Variants in TAFA4 observed in about 807,000 individuals in gnomAD.
TAFA4 encodes the protein TAFA chemokine like family member 4, also known as chemokine-like protein TAFA-4.
A neutral mutation model predicts 21.1 loss-of-function variants in TAFA4; 20 were observed. The ratio of observed to expected loss-of-function variants is 0.95; its 90% CI spans 0.67 to 1.38. The LOEUF (loss-of-function observed/expected upper bound fraction) is 1.38. Ranked by LOEUF, TAFA4 falls within the 40% of genes most tolerant of loss-of-function variation. TAFA4 has a pLI of 0.00. For synonymous variants in TAFA4, 71 were observed against 67.4 expected (o/e 1.05, Z -0.26); for missense variants, 211 against 180.9 (o/e 1.17, Z -0.95).
chr3:68,817,607 T>C (rs1704017055), intron 3 of TAFA4, among the ~76,000 whole-genome samples: 1 of 152,200 alleles, frequency 6.6e-6, no homozygotes, highest in African/African-American at 2.4e-5. Flanking sequence ...GTAATAAGAC[T>C]TGTAAGTTGA....
At position 68,776,806 on chromosome 3, in the gene TAFA4, T is replaced by C. The variant is rs549316714; in HGVS notation, c.131-23788A>G. On this transcript the variant is annotated intron_variant, in intron 3 of 5. Coordinates refer to ENST00000295569, the MANE Select transcript of TAFA4 (RefSeq NM_182522.5). ...ACTATTAAAATCACAAAAAACATGA[T>C]ATCTAAACACAATTTAATTAAATTA... Among the ~76,000 whole-genome samples the C allele has an allele frequency of 2.0e-4, 30 of 152,260 alleles. No homozygotes were observed. In the South Asian group the frequency reaches 5.4e-3, roughly 27 times the overall value.
intron 1 of TAFA4, among the ~76,000 whole-genome samples, chr3:68,923,812 C>T (rs2090081538): frequency 1.3e-5 from 2 of 152,022 alleles, no homozygotes; most frequent in South Asian, 4.2e-4. Flanking sequence ...AGGAGTTTGT[C>T]CAACGTTTCT....
intron 3 of TAFA4, among the ~76,000 whole-genome samples, chr3:68,834,196 C>T (rs944157134): frequency 2.0e-5 from 3 of 152,168 alleles, no homozygotes; most frequent in Non-Finnish European, 2.9e-5. Context: ...TAAGCAGAGG[C>T]TAACATTTTG....
At chr3:68,860,489 C>CCT (rs891794898) in intron 3 of TAFA4, among the ~76,000 whole-genome samples, 4 of 151,728 alleles carry the variant, frequency 2.6e-5, no homozygotes, top group African/African-American at 9.7e-5. Flanking sequence ...TGCTCCTTTT[C>CCT]CTCTCTCTCT....
chr3:68,819,657 A>G (rs1489694183), intron 3 of TAFA4, among the ~76,000 whole-genome samples: 2 of 152,216 alleles, frequency 1.3e-5, no homozygotes, highest in Non-Finnish European at 2.9e-5. Flanking sequence ...ACCTGAATAG[A>G]TATTTCTCAT....
At chr3:68,790,017 C>A (rs1703332890) in intron 3 of TAFA4, among the ~76,000 whole-genome samples, 1 of 152,156 alleles carries the variant, frequency 6.6e-6, no homozygotes, top group Non-Finnish European at 1.5e-5. Context: ...TTGTTAATAT[C>A]TGGGTAAATA....
intron 3 of TAFA4, among the ~76,000 whole-genome samples, chr3:68,838,754 C>A (rs1004161485): frequency 2.6e-5 from 4 of 152,044 alleles, no homozygotes; most frequent in Admixed American, 6.5e-5. Flanking sequence ...TCATAGTTTG[C>A]CAATCCCTAT....
rs1702176235 is a variant in TAFA4, at chr3:68,732,990, T to C, written c.*152A>G. On this transcript the variant is annotated 3_prime_UTR_variant, in exon 6 of 6. Transcript: ENST00000295569. ...ACGAAGCAGAGAGGGCTGGGCCAGT[T>C]AAGTGAATGCCACCTCTCACAGCTC... 2 of 925,998 alleles carry C rather than the reference T, an allele frequency of 2.2e-6. No individual in the cohort carries two copies. The highest frequency in any genetic ancestry group is 3.3e-5 in the African/African-American group (2 of 60,500). 57.4% of individuals were successfully genotyped at this position (925,998 alleles called of 1,614,324 possible). A position where few individuals can be genotyped will look rare whatever the true frequency, so the allele number is the denominator to read the frequency against.
intron 3 of TAFA4, among the ~76,000 whole-genome samples, chr3:68,760,093 G>T (rs903615419): frequency 6.6e-6 from 1 of 152,060 alleles, no homozygotes; most frequent in African/African-American, 2.4e-5. Flanking sequence ...TAAAATACTG[G>T]CAGGGCTGTA....
At chr3:68,919,970 G>A (rs1052951510) in intron 1 of TAFA4, among the ~76,000 whole-genome samples, 2 of 152,088 alleles carry the variant, frequency 1.3e-5, no homozygotes, top group African/African-American at 4.8e-5. Context: ...AAACACATGG[G>A]TACCAAGAGA....
At chr3:68,919,552 T>C (rs983614008) in intron 1 of TAFA4, among the ~76,000 whole-genome samples, 3 of 152,126 alleles carry the variant, frequency 2.0e-5, no homozygotes, top group Non-Finnish European at 2.9e-5. Flanking sequence ...CCACTACACA[T>C]ACATGGCTAT....
chr3:68,817,196 A>G (rs1168264414), intron 3 of TAFA4, among the ~76,000 whole-genome samples: 1 of 152,246 alleles, frequency 6.6e-6, no homozygotes, highest in Non-Finnish European at 1.5e-5. Flanking sequence ...TCATTTCAAC[A>G]ATGTTCACAG....
At chr3:68,913,452 A>T (rs1269752863) in intron 1 of TAFA4, 1 of 152,168 alleles carries the variant, frequency 6.6e-6, no homozygotes, top group African/African-American at 2.4e-5. Context: ...AAAGGAGGGC[A>T]TGGAGGAGGT....
chr3:68,848,003 G>C (rs976732896), intron 3 of TAFA4, among the ~76,000 whole-genome samples: 2 of 152,198 alleles, frequency 1.3e-5, no homozygotes, highest in African/African-American at 4.8e-5. Flanking sequence ...GCTGCTAACA[G>C]CTATCACTTT....
chr3:68,874,597 C>A (rs2089524756), intron 3 of TAFA4, among the ~76,000 whole-genome samples: 1 of 152,098 alleles, frequency 6.6e-6, no homozygotes, highest in African/African-American at 2.4e-5. Flanking sequence ...AGGGAAATTT[C>A]TTCTCAAGGG....
rs1284214163 is a variant in TAFA4, at chr3:68,732,576, C to T, written c.*566G>A. 1.3e-5 allele frequency: 2 copies of T among 152,554 alleles called. No individual in the cohort carries two copies. Among genetic ancestry groups the T allele is most frequent in the Non-Finnish European group, 2.9e-5 (2 of 68,042 alleles). 9.5% of individuals were successfully genotyped at this position (152,554 alleles called of 1,614,324 possible). A position where few individuals can be genotyped will look rare whatever the true frequency, so the allele number is the denominator to read the frequency against. The stretch of plus-strand genomic sequence containing the variant: ...AAAAATACAATGCACACACAATAAT[C>T]CAACTATGTCCTTCTATTCTTCAAG... On this transcript the variant is annotated 3_prime_UTR_variant, in exon 6 of 6. Transcript: ENST00000295569.
chr3:68,889,308 A>C (rs1361108295), intron 1 of TAFA4, among the ~76,000 whole-genome samples: 1 of 152,200 alleles, frequency 6.6e-6, no homozygotes, highest in Non-Finnish European at 1.5e-5. Context: ...CCCGGTACCA[A>C]GAAACTTTGA....
intron 3 of TAFA4, among the ~76,000 whole-genome samples, chr3:68,765,130 C>CTTGT (rs1393203088): frequency 6.6e-6 from 1 of 152,100 alleles, no homozygotes; most frequent in African/African-American, 2.4e-5. Context: ...AACAAAAGGA[C>CTTGT]TTGTTTTAGT....
chr3:68,853,183 T>C (rs544510332), intron 3 of TAFA4, among the ~76,000 whole-genome samples: 5 of 152,280 alleles, frequency 3.3e-5, no homozygotes, highest in Admixed American at 2.0e-4. Context: ...ACAATGTTTA[T>C]ATCTTTATTA....
Sources: allele counts gnomAD v4.1 joint callset (sites outside exome capture counted in the v4.1 genomes callset), GRCh38; gene constraint gnomAD v4.1.1; transcripts MANE v1.5; gene names NCBI Gene and HGNC (gene_info 2026-07-23, HGNC 2026-07-21).